The following SLCO1C1 variants were observed in gnomAD, a reference collection of about 807,000 sequenced individuals.
SLCO1C1 encodes solute carrier organic anion transporter family member 1C1.
SLCO1C1 carries 70 observed loss-of-function variants against 76.4 expected under a neutral mutation model. The observed-to-expected ratio is 0.92, with a 90% CI of 0.76 to 1.12. The LOEUF (loss-of-function observed/expected upper bound fraction) is 1.12, where lower values mean the gene tolerates loss of function less well. Among genes scored for constraint, SLCO1C1 ranks in the 50% most tolerant of loss-of-function variants. The pLI, the probability that SLCO1C1 is intolerant of heterozygous loss-of-function variation, is 0.00. For missense variants in SLCO1C1, 912 were observed against 823.8 expected, an observed-to-expected ratio of 1.11 and a Z score of -1.31; for synonymous variants, 306 against 286.1, an observed-to-expected ratio of 1.07 and a Z score of -0.70.
chr12:20,730,176 T>C (rs2120811164), intron 9 of SLCO1C1, among the ~76,000 whole-genome samples: 1 of 152,332 alleles, frequency 6.6e-6, no homozygotes, highest in East Asian at 1.9e-4. Context: ...TTTCAGAAGA[T>C]ACTTTATTCA....
chr12:20,716,114 C>T (rs1342691675), intron 6 of SLCO1C1, among the ~76,000 whole-genome samples: 2 of 152,184 alleles, frequency 1.3e-5, no homozygotes. Flanking sequence ...AGGGGCGCTA[C>T]AGCTAGGTCC....
At chr12:20,713,416 A>G (rs1947226726) in intron 5 of SLCO1C1, among the ~76,000 whole-genome samples, 1 of 152,346 alleles carries the variant, frequency 6.6e-6, no homozygotes, top group Non-Finnish European at 1.5e-5. Flanking sequence ...GTTAGGAAAT[A>G]TTTAAACCTG....
Position 20,750,689 on chromosome 12 carries a change from C to G in SLCO1C1, c.1813C>G (p.Pro605Ala), listed in dbSNP as rs375473904. ...TTTTCTCACAGCAGGAATCCCAGCT[C>G]CAGTGTATTTTGGAGTTTTGATTGA... ...AIRVLAGIPAPVYFGVLIDTS... is the reference protein window; with the variant it reads ...AIRVLAGIPAAVYFGVLIDTS... The change falls in exon 14 of 15, where the codon CCA becomes GCA. Residue 605 changes from proline (P) to alanine (A), a missense_variant. Physicochemically the swap from Pro to Ala is conservative, Grantham distance 27. Transcript: ENST00000266509. 1.2e-6 allele frequency: 2 copies of G among 1,613,858 alleles called. No individual in the cohort carries two copies. Among genetic ancestry groups the G allele is most frequent in the East Asian group, 4.5e-5 (2 of 44,838 alleles).
intron 13 of SLCO1C1, among the ~76,000 whole-genome samples, chr12:20,746,125 A>G (rs1170540038): frequency 6.6e-6 from 1 of 152,182 alleles, no homozygotes; most frequent in East Asian, 1.9e-4. Flanking sequence ...TGAATAAGCT[A>G]TCAAAGCCTA....
intron 4 of SLCO1C1, among the ~76,000 whole-genome samples, chr12:20,708,697 C>T (rs776332324): frequency 7.9e-5 from 12 of 152,058 alleles, no homozygotes; most frequent in African/African-American, 1.2e-4. Context: ...TGCAAGGAGG[C>T]CTGTGTGGCT....
At chr12:20,727,870 T>C (rs1948100094) in intron 9 of SLCO1C1, among the ~76,000 whole-genome samples, 1 of 152,222 alleles carries the variant, frequency 6.6e-6, no homozygotes, top group Non-Finnish European at 1.5e-5. Flanking sequence ...TGGGGTTATA[T>C]GTTATTTTCT....
chr12:20,709,448 A>T (rs1026768299), intron 4 of SLCO1C1, among the ~76,000 whole-genome samples: 1 of 152,212 alleles, frequency 6.6e-6, no homozygotes, highest in Non-Finnish European at 1.5e-5. Context: ...AAAAATTTTC[A>T]AAATACTCCA....
At chr12:20,748,188 T>G (rs1424113651) in intron 13 of SLCO1C1, among the ~76,000 whole-genome samples, 1 of 152,194 alleles carries the variant, frequency 6.6e-6, no homozygotes. Context: ...AGGTGATATA[T>G]CTCTAAAATC....
chr12:20,713,756 C>T (rs531356108), intron 5 of SLCO1C1, among the ~76,000 whole-genome samples: 1 of 152,304 alleles, frequency 6.6e-6, no homozygotes, highest in Admixed American at 6.5e-5. Context: ...TAGCCCCTAG[C>T]TGCATGTGAC....
At chr12:20,743,425 C>G in intron 13 of SLCO1C1, 56 bp downstream of exon 13, 2 of 1,390,134 alleles carry the variant, frequency 1.4e-6, no homozygotes, top group Non-Finnish European at 1.0e-6. Context: ...ATTTTGAAGA[C>G]TTTTCTAAAT....
intron 13 of SLCO1C1, among the ~76,000 whole-genome samples, chr12:20,744,410 C>T (rs1948949345): frequency 1.3e-5 from 2 of 152,054 alleles, no homozygotes; most frequent in Non-Finnish European, 2.9e-5. Flanking sequence ...AAATGACTAA[C>T]TTGCAATTTA....
At chr12:20,738,356 G>A (rs1381955969) in intron 11 of SLCO1C1, among the ~76,000 whole-genome samples, 4 of 152,034 alleles carry the variant, frequency 2.6e-5, no homozygotes, top group Admixed American at 2.0e-4. Flanking sequence ...ATTTGTGACT[G>A]ATTAAATTTG....
intron 7 of SLCO1C1, among the ~76,000 whole-genome samples, chr12:20,720,208 T>C (rs983531906): frequency 6.6e-6 from 1 of 152,126 alleles, no homozygotes; most frequent in Admixed American, 6.5e-5. Flanking sequence ...AAAAAATATA[T>C]ATATATTCCT....
At chr12:20,717,052 TTTC>T in intron 6 of SLCO1C1, 77 bp from the exon 7 acceptor site, 2 of 1,281,158 alleles carry the variant, frequency 1.6e-6, no homozygotes, top group Non-Finnish European at 1.1e-6. Context: ...GGATCACACA[TTTC>T]TTGTTTAAAA....
chr12:20,748,232 T>C (rs138342340), intron 13 of SLCO1C1, among the ~76,000 whole-genome samples: 21 of 152,244 alleles, frequency 1.4e-4, no homozygotes, highest in African/African-American at 4.1e-4. Context: ...TCCCTCTTTC[T>C]CTCCCATTTG....
In SLCO1C1 at chr12:20,718,932, T is replaced by C. The variant is rs189960923; in HGVS notation, c.775+1702T>C. ...GAAAATACAGACATAGCTTGTTTTATTGTGCTTTACTTCATTGCATTTTGC... is the reference window on the plus strand; with the variant it reads ...GAAAATACAGACATAGCTTGTTTTACTGTGCTTTACTTCATTGCATTTTGC... On this transcript the variant is annotated intron_variant, in intron 7 of 14. Transcript: ENST00000266509. 7.9e-4 allele frequency among the ~76,000 whole-genome samples: 121 copies of C among 152,302 alleles called. 1 individual carries two copies. Among genetic ancestry groups the C allele is most frequent in the Admixed American group, 1.8e-3 (27 of 15,300 alleles).
intron 11 of SLCO1C1, among the ~76,000 whole-genome samples, chr12:20,737,905 G>A (rs184416774): frequency 1.3e-5 from 2 of 152,218 alleles, no homozygotes; most frequent in Admixed American, 1.3e-4. Context: ...TAGAATGGGT[G>A]GCTTAAACAA....
intron 1 of SLCO1C1, among the ~76,000 whole-genome samples, chr12:20,698,873 T>C (rs1437496840): frequency 6.6e-6 from 1 of 152,078 alleles, no homozygotes; most frequent in Non-Finnish European, 1.5e-5. Context: ...CAGTGTGTGA[T>C]CCTGTCCTGT....
At chr12:20,736,618 C>A (rs574081374) in intron 10 of SLCO1C1, among the ~76,000 whole-genome samples, 1 of 152,250 alleles carries the variant, frequency 6.6e-6, no homozygotes, top group South Asian at 2.1e-4. Context: ...AGAGAATTAA[C>A]TGATAACTGA....
Sources: allele counts gnomAD v4.1 joint callset (sites outside exome capture counted in the v4.1 genomes callset), GRCh38; gene constraint gnomAD v4.1.1; transcripts MANE v1.5; gene names NCBI Gene and HGNC (gene_info 2026-07-23, HGNC 2026-07-21).